Variants in GPC5 observed in about 807,000 individuals in gnomAD.
The protein encoded by GPC5 is glypican 5, also known as glypican-5.
In GPC5, 47 loss-of-function variants were observed where a neutral mutation model predicts 53.9. The observed-to-expected ratio is 0.87, with a 90% CI of 0.69 to 1.11. The LOEUF (loss-of-function observed/expected upper bound fraction) is 1.11, where lower values mean the gene tolerates loss of function less well. GPC5 is among the 50% of genes most tolerant of loss of function. GPC5 has a pLI of 0.00. For synonymous variants in GPC5, 286 were observed against 263.3 expected, an observed-to-expected ratio of 1.09 and a Z score of -0.84; for missense variants, 748 against 713.1, an observed-to-expected ratio of 1.05 and a Z score of -0.56.
At chr13:91,913,162 A>C (rs2039625841) in intron 6 of GPC5, among the ~76,000 whole-genome samples, 1 of 152,116 alleles carries the variant, frequency 6.6e-6, no homozygotes, top group Non-Finnish European at 1.5e-5. Flanking sequence ...GCATTTTGAG[A>C]GGCCGAGGTG....
chr13:91,838,981 TG>T (rs1345787232), intron 5 of GPC5, among the ~76,000 whole-genome samples: 1 of 148,532 alleles, frequency 6.7e-6, no homozygotes, highest in Non-Finnish European at 1.5e-5. Flanking sequence ...TCAAGGTTTT[TG>T]TTAAGGATAG....
intron 5 of GPC5, among the ~76,000 whole-genome samples, chr13:91,765,051 C>A (rs2037495643): frequency 6.6e-6 from 1 of 152,288 alleles, no homozygotes; most frequent in South Asian, 2.1e-4. Flanking sequence ...CCCATAGAAA[C>A]CTTCCCTCTC....
At chr13:92,031,716 T>TATTATATATA (rs2040844605) in intron 6 of GPC5, among the ~76,000 whole-genome samples, 1 of 26,738 alleles carries the variant, frequency 3.7e-5, no homozygotes, top group East Asian at 9.0e-4. Context: ...ATATATTACA[T>TATTATATATA]ATATGTAATA....
At chr13:91,584,278 G>A (rs2032478953) in intron 2 of GPC5, among the ~76,000 whole-genome samples, 1 of 152,028 alleles carries the variant, frequency 6.6e-6, no homozygotes, top group Admixed American at 6.6e-5. Flanking sequence ...TACTATTGGT[G>A]CCCAATGAGA....
rs1314584864 is a variant in GPC5, at chr13:92,833,043, T to G, written c.1562-33239T>G. Among the ~76,000 whole-genome samples, 3 of 151,898 alleles carry G rather than the reference T, an allele frequency of 2.0e-5. No homozygotes were observed. In the South Asian group the frequency reaches 6.2e-4, roughly 32 times the overall value. ...ACAAAACAAAAAAATACCCACAATT[T>G]AGCACAGTGAGATACATCTAACAAT... On this transcript the variant is annotated intron_variant, in intron 7 of 7. Coordinates refer to ENST00000377067, the MANE Select transcript of GPC5 (RefSeq NM_004466.6).
chr13:91,845,886 T>A (rs2038843639), intron 5 of GPC5, among the ~76,000 whole-genome samples: 1 of 152,150 alleles, frequency 6.6e-6, no homozygotes, highest in Admixed American at 6.5e-5. Flanking sequence ...TTACCTAAGC[T>A]TTTGTTTTCT....
chr13:92,632,463 C>CATATATATATATATATAT (rs34336057), intron 7 of GPC5, among the ~76,000 whole-genome samples: 100 of 120,072 alleles, frequency 8.3e-4, no homozygotes, highest in East Asian at 3.6e-3. Flanking sequence ...AAATATTCCA[C>CATATATATATATATATAT]ATATATATAT....
chr13:92,481,988 G>T (rs183601838), intron 7 of GPC5, among the ~76,000 whole-genome samples: 54 of 152,024 alleles, frequency 3.6e-4, no homozygotes, highest in African/African-American at 1.3e-3. Flanking sequence ...AAAATTAGCC[G>T]GGTGTCGGGG....
At chr13:91,705,413 A>G (rs2036077374) in intron 3 of GPC5, among the ~76,000 whole-genome samples, 1 of 152,206 alleles carries the variant, frequency 6.6e-6, no homozygotes, top group South Asian at 2.1e-4. Context: ...AAGATTACCC[A>G]AGGAAAATGT....
At chr13:92,406,861 A>G (rs1462459832) in intron 7 of GPC5, among the ~76,000 whole-genome samples, 1 of 152,224 alleles carries the variant, frequency 6.6e-6, no homozygotes, top group Non-Finnish European at 1.5e-5. Context: ...GTATTCTTGA[A>G]GAATAAAATT....
intron 7 of GPC5, among the ~76,000 whole-genome samples, chr13:92,172,343 G>T (rs1881213130): frequency 6.6e-6 from 1 of 152,142 alleles, no homozygotes; most frequent in African/African-American, 2.4e-5. Flanking sequence ...GCCATTTAAG[G>T]ATCATTATGG....
intron 6 of GPC5, among the ~76,000 whole-genome samples, chr13:91,946,608 T>C (rs2039976495): frequency 6.6e-6 from 1 of 152,190 alleles, no homozygotes; most frequent in Admixed American, 6.5e-5. Context: ...GTGCAAATTA[T>C]CCCTAACACC....
At chr13:91,810,181 T>G (rs1243304997) in intron 5 of GPC5, among the ~76,000 whole-genome samples, 1 of 151,990 alleles carries the variant, frequency 6.6e-6, no homozygotes, top group African/African-American at 2.4e-5. Context: ...GAGTTTCAAG[T>G]GTGTTAAATA....
intron 7 of GPC5, chr13:92,719,826 A>G (rs1202387901): frequency 6.6e-6 from 1 of 152,166 alleles, no homozygotes; most frequent in African/African-American, 2.4e-5. Flanking sequence ...ATAGTTTGCT[A>G]TAGATACTAG....
intron 5 of GPC5, among the ~76,000 whole-genome samples, chr13:91,796,101 A>C (rs1346971253): frequency 6.6e-6 from 1 of 152,020 alleles, no homozygotes; most frequent in Non-Finnish European, 1.5e-5. Flanking sequence ...ACTTGGCCTC[A>C]TGGATTCCAA....
intron 2 of GPC5, 58 bp downstream of exon 2, chr13:91,448,980 G>A: frequency 6.5e-7 from 1 of 1,545,218 alleles, no homozygotes; most frequent in Non-Finnish European, 8.8e-7. Context: ...ATTTGCCTAA[G>A]ATAGTTACGT....
At chr13:92,506,033 G>T (rs114417985) in intron 7 of GPC5, among the ~76,000 whole-genome samples, 1 of 152,106 alleles carries the variant, frequency 6.6e-6, no homozygotes, top group East Asian at 1.9e-4. Context: ...CCTTCTTTTC[G>T]GAGTTGGTGG....
intron 6 of GPC5, among the ~76,000 whole-genome samples, chr13:91,929,216 C>A (rs78919811): frequency 0.021 from 3,222 of 152,106 alleles, 103 homozygotes; most frequent in African/African-American, 0.074. Flanking sequence ...CTAAAACATT[C>A]ATAAGAATGT....
intron 7 of GPC5, among the ~76,000 whole-genome samples, chr13:92,532,738 C>T (rs528001846): frequency 6.6e-6 from 1 of 152,122 alleles, no homozygotes; most frequent in South Asian, 2.1e-4. Context: ...CAGGTCCAAA[C>T]CTCTCCATTG....
Sources: gnomAD v4.1 joint callset for allele counts (sites outside exome capture counted in the v4.1 genomes callset) on GRCh38, gnomAD v4.1.1 for gene constraint, MANE v1.5 for transcripts, NCBI Gene and HGNC (gene_info 2026-07-23, HGNC 2026-07-21) for gene names.